Variants in SV2C observed in about 807,000 individuals in gnomAD.
SV2C encodes the protein solute carrier family 22 member B3.
Under a neutral mutation model 79.7 loss-of-function variants are expected in SV2C, and 49 were observed. The observed-to-expected ratio is 0.61, with a 90% CI of 0.49 to 0.78. SV2C has a LOEUF of 0.78. Among genes scored for constraint, SV2C ranks in the 30% least tolerant of loss-of-function variants. The pLI is 0.00. For synonymous variants in SV2C, 334 were observed against 333.2 expected (o/e 1.00, Z -0.03); for missense variants, 833 against 912.9 (o/e 0.91, Z 1.13).
chr5:76,069,152 A>C, the SV2C span, among the ~76,000 whole-genome samples: 2 of 152,192 alleles, frequency 1.3e-5, no homozygotes, highest in African/African-American at 2.4e-5. Context: ...AAATGAGCAG[A>C]AGAAGGTTTG....
the SV2C span, among the ~76,000 whole-genome samples, chr5:75,952,285 TCCTTTCTTCCTTC>T: frequency 2.2e-5 from 3 of 136,162 alleles, no homozygotes. Context: ...CTTCCTTCCT[TCCTTTCTTCCTTC>T]CTTCCTTCCA....
chr5:76,158,767 AG>A (rs1430385784), intron 2 of SV2C, among the ~76,000 whole-genome samples: 13 of 152,072 alleles, frequency 8.5e-5, no homozygotes, highest in African/African-American at 3.1e-4. Flanking sequence ...AAAGAATAGA[AG>A]ATGAAGGAAC....
At position 76,132,141 on chromosome 5, in the gene SV2C, G is replaced by A. The variant is rs367890274; in HGVS notation, c.391G>A (p.Glu131Lys). The A allele has an allele frequency of 5.2e-5, 84 of 1,614,152 alleles. No homozygotes were observed. The highest frequency in any genetic ancestry group is 5.2e-4 in the South Asian group (47 of 91,084). Residue 131 changes from glutamate (E) to lysine (K), a missense_variant, in exon 2 of 13, where the codon GAG (glutamate) becomes AAG (lysine). Physicochemically the swap from Glu to Lys is moderately conservative, Grantham distance 56. Coordinates refer to ENST00000502798, the MANE Select transcript of SV2C (RefSeq NM_014979.4). ...GCTGGAATCAGAAAGGAGAGCTGAC[G>A]AGGAAGAGTTAGCCCAGCAGTATGA... ...RELESERRADEEELAQQYELI... is the reference protein window; with the variant it reads ...RELESERRADKEELAQQYELI...
At chr5:76,092,213 T>A (rs1317830689) in intron 1 of SV2C, among the ~76,000 whole-genome samples, 1 of 152,216 alleles carries the variant, frequency 6.6e-6, no homozygotes, top group Non-Finnish European at 1.5e-5. Context: ...ACTTTATATA[T>A]TTCTGAATTG....
At chr5:76,039,934 G>A in the SV2C span, among the ~76,000 whole-genome samples, 4 of 152,022 alleles carry the variant, frequency 2.6e-5, no homozygotes, top group Admixed American at 2.6e-4. Flanking sequence ...AAGAGAAAAT[G>A]GGTATCATTG....
At chr5:76,168,275 C>T (rs1743102605) in intron 2 of SV2C, among the ~76,000 whole-genome samples, 1 of 152,086 alleles carries the variant, frequency 6.6e-6, no homozygotes, top group Non-Finnish European at 1.5e-5. Flanking sequence ...TGGCCTTCCC[C>T]GACCTCTGGG....
rs371136981 is a variant in SV2C, at chr5:76,173,714, A to T, written c.581-21205A>T. ...AATTTGCCGCACTAGGTCATAAAAG[A>T]TCTCATTAACATTTATTTTTGATTT... On this transcript the variant is annotated intron_variant, in intron 2 of 12. Transcript: ENST00000502798. 7.4e-6 allele frequency: 12 copies of T among 1,613,644 alleles called. No homozygotes were observed. The African/African-American group carries it at 1.6e-4, about 22-fold the overall frequency.
At chr5:76,205,149 GTGTGTGTGTGTGTGTGTGTA>G (rs1744573225) in intron 3 of SV2C, among the ~76,000 whole-genome samples, 1 of 117,168 alleles carries the variant, frequency 8.5e-6, no homozygotes. Flanking sequence ...GGTGTTGTGC[GTGTGTGTGTGTGTGTGTGTA>G]TGTGTGTGTG....
At chr5:76,074,451 T>G in the SV2C span, among the ~76,000 whole-genome samples, 1 of 152,184 alleles carries the variant, frequency 6.6e-6, no homozygotes, top group Non-Finnish European at 1.5e-5. Context: ...GCAGATAATA[T>G]AGGAACAAAC....
the SV2C span, among the ~76,000 whole-genome samples, chr5:75,983,282 T>G: frequency 6.6e-6 from 1 of 152,070 alleles, no homozygotes; most frequent in Non-Finnish European, 1.5e-5. Flanking sequence ...GGGACCATCA[T>G]TATGTGGCCG....
chr5:75,937,551 A>G, the SV2C span, among the ~76,000 whole-genome samples: 1 of 152,096 alleles, frequency 6.6e-6, no homozygotes, highest in Non-Finnish European at 1.5e-5. Context: ...AAATAAATAA[A>G]TAAATAACTT....
At chr5:76,048,988 A>AAAGAAAGAAAGAAAGAAAGAAAGG in the SV2C span, among the ~76,000 whole-genome samples, 1 of 93,308 alleles carries the variant, frequency 1.1e-5, no homozygotes, top group Non-Finnish European at 2.3e-5. Flanking sequence ...AGAAAGAAAG[A>AAAGAAAGAAAGAAAGAAAGAAAGG]AAGAAAGAAA....
chr5:75,882,659 C>A, the SV2C span, among the ~76,000 whole-genome samples: 1 of 151,742 alleles, frequency 6.6e-6, no homozygotes, highest in African/African-American at 2.4e-5. Context: ...AAAGGATTCC[C>A]TATTTAATAA....
chr5:76,339,292 T>C (rs1349635599), intron 12 of SV2C, among the ~76,000 whole-genome samples: 1 of 152,264 alleles, frequency 6.6e-6, no homozygotes, highest in Admixed American at 6.5e-5. Flanking sequence ...TTCTATATTT[T>C]TTCAGTGCAT....
At chr5:76,172,409 C>T (rs1272666285) in intron 2 of SV2C, among the ~76,000 whole-genome samples, 2 of 41,868 alleles carry the variant, frequency 4.8e-5, no homozygotes, top group African/African-American at 9.3e-5. Context: ...CCGCCCCGTC[C>T]GGGAGGGAGG....
At chr5:76,122,463 A>G (rs998843103) in intron 1 of SV2C, among the ~76,000 whole-genome samples, 1 of 152,068 alleles carries the variant, frequency 6.6e-6, no homozygotes, top group Non-Finnish European at 1.5e-5. Flanking sequence ...TTCAAAGGGA[A>G]TGCTTCCAGG....
chr5:76,050,241 T>A, the SV2C span, among the ~76,000 whole-genome samples: 2 of 152,202 alleles, frequency 1.3e-5, no homozygotes, highest in Non-Finnish European at 2.9e-5. Context: ...AAATGCTTAG[T>A]GTTAAAGAGA....
At chr5:75,870,971 C>T in the SV2C span, among the ~76,000 whole-genome samples, 1,182 of 152,256 alleles carry the variant, frequency 7.8e-3, 7 homozygotes, top group Middle Eastern at 0.037. Context: ...AGTAACTTCA[C>T]ATAAATAGAG....
At chr5:76,309,998 T>C (rs1163126226) in intron 12 of SV2C, among the ~76,000 whole-genome samples, 2 of 151,638 alleles carry the variant, frequency 1.3e-5, no homozygotes, top group Non-Finnish European at 2.9e-5. Context: ...TTTGTTTGGA[T>C]GCCAGAAAGA....
Sources: gnomAD v4.1 joint callset for allele counts (sites outside exome capture counted in the v4.1 genomes callset) on GRCh38, gnomAD v4.1.1 for gene constraint, MANE v1.5 for transcripts, NCBI Gene and HGNC (gene_info 2026-07-23, HGNC 2026-07-21) for gene names.